Variants in SLC12A7 observed in about 807,000 individuals in gnomAD.
The protein encoded by SLC12A7 is K-Cl cotransporter 4.
In SLC12A7, 100 loss-of-function variants were observed where a neutral mutation model predicts 120.6. That is an observed-to-expected ratio of 0.83 (90% CI 0.71 to 0.98). The LOEUF is 0.98. SLC12A7 is among the 50% of genes least tolerant of loss of function. The pLI, the probability that SLC12A7 is intolerant of heterozygous loss-of-function variation, is 0.00. For synonymous variants in SLC12A7, 760 were observed against 678.0 expected (o/e 1.12, Z -1.88); for missense variants, 1,373 against 1,548.1 (o/e 0.89, Z 1.90).
upstream of SLC12A7, among the ~76,000 whole-genome samples, chr5:1,116,761 C>T (rs574815260): frequency 2.0e-5 from 3 of 152,312 alleles, no homozygotes; most frequent in African/African-American, 7.2e-5. Flanking sequence ...TTCGCATCTC[C>T]TCTGAAGTCC....
intron 17 of SLC12A7, among the ~76,000 whole-genome samples, chr5:1,066,897 G>A (rs1737113147): frequency 6.6e-6 from 1 of 152,154 alleles, no homozygotes; most frequent in Admixed American, 6.5e-5. Context: ...GCCCTTTGCT[G>A]TGAGCCGTGT....
At chr5:1,125,378 A>G in the SLC12A7 span, among the ~76,000 whole-genome samples, 2 of 151,998 alleles carry the variant, frequency 1.3e-5, no homozygotes, top group Admixed American at 1.3e-4. Context: ...ACACTTTTTA[A>G]GTTTATTTTA....
At chr5:1,120,004 C>T in the SLC12A7 span, among the ~76,000 whole-genome samples, 1 of 152,258 alleles carries the variant, frequency 6.6e-6, no homozygotes, top group African/African-American at 2.4e-5. Flanking sequence ...TCATTGGGGT[C>T]ACTCAAGGGC....
intron 22 of SLC12A7, among the ~76,000 whole-genome samples, chr5:1,055,303 G>T (rs558978417): frequency 1.3e-5 from 2 of 152,328 alleles, no homozygotes; most frequent in South Asian, 4.1e-4. Context: ...ACACAGACAT[G>T]CACACTAACG....
rs1738871550 is a variant in SLC12A7, at chr5:1,080,244, A to T, written c.1298-748T>A. 6.5e-4 allele frequency among the ~76,000 whole-genome samples: 2 copies of T among 3,076 alleles called. 1 individual carries two copies. Among genetic ancestry groups the T allele is most frequent in the South Asian group, 0.12 (2 of 16 alleles). 2.0% of individuals were successfully genotyped at this position (3,076 alleles called of 152,430 possible). On this transcript the variant is annotated intron_variant, in intron 9 of 23. Transcript: ENST00000264930. ...CCACCCGCGGCGCGGAGACACCAGG[A>T]GCCACGCAGAGGCTCTGCCCCCACG... is the stretch of plus-strand genomic sequence containing the variant.
the SLC12A7 span, among the ~76,000 whole-genome samples, chr5:1,140,008 C>T: frequency 3.3e-5 from 5 of 152,324 alleles, no homozygotes; most frequent in Admixed American, 2.0e-4. Context: ...TGTCAGGACA[C>T]GCCCGGCCTG....
At position 1,068,832 on chromosome 5, in the gene SLC12A7, C is replaced by T. The variant is rs145680808; in HGVS notation, c.2242-3354G>A. On this transcript the variant is annotated intron_variant, in intron 17 of 23. Transcript: ENST00000264930. ...TGTGGCAGAGCGTGGCAGGGGGTCC[C>T]GTCATCCCCCAGTCACTGCAATCCC... 2.2e-3 allele frequency among the ~76,000 whole-genome samples: 340 copies of T among 152,362 alleles called. 2 individuals are homozygous for T. Among genetic ancestry groups the T allele is most frequent in the African/African-American group, 7.8e-3 (325 of 41,580 alleles).
intron 9 of SLC12A7, among the ~76,000 whole-genome samples, chr5:1,081,001 GAGAGAGACAGACAGACAGAC>G (rs1460087455): frequency 4.7e-5 from 3 of 63,334 alleles, no homozygotes; most frequent in Admixed American, 1.5e-4. Context: ...GAGAGACAGA[GAGAGAGACAGACAGACAGAC>G]AGAGAGAGAG....
chr5:1,112,131 C>A, upstream of SLC12A7: 2 of 996,026 alleles, frequency 2.0e-6, no homozygotes, highest in Non-Finnish European at 2.6e-6. Context: ...CACCTGCTTG[C>A]CCCGCGGCCC....
intron 21 of SLC12A7, among the ~76,000 whole-genome samples, chr5:1,058,234 CT>C (rs1735832147): frequency 6.6e-6 from 1 of 152,254 alleles, no homozygotes; most frequent in South Asian, 2.1e-4. Context: ...GTCCACGCCC[CT>C]AGCTGTAGGC....
Position 1,093,614 on chromosome 5 carries a change from G to T in SLC12A7, c.261C>A (p.Asn87Lys), listed in dbSNP as rs771414284. 5.6e-6 allele frequency: 9 copies of T among 1,613,056 alleles called. No individual in the cohort carries two copies. In the South Asian group the frequency reaches 8.8e-5, roughly 16 times the overall value. ...TCAGGTTGGTGTAGTTGGCCAGCTT[G>T]TTGAGCAGCGAGGACACCATGGGGT... is the stretch of plus-strand genomic sequence containing the variant. ...DSNPMVSSLLNKLANYTNLSQ... is the reference protein window; with the variant it reads ...DSNPMVSSLLKKLANYTNLSQ... Residue 87 changes from asparagine to lysine, a missense_variant, in exon 3 of 24, where the codon AAC becomes AAA. Physicochemically the swap from Asn to Lys is moderately conservative, Grantham distance 94 (BLOSUM62 0). Transcript: ENST00000264930.
the SLC12A7 span, among the ~76,000 whole-genome samples, chr5:1,148,723 G>A: frequency 2.6e-5 from 4 of 152,186 alleles, no homozygotes; most frequent in Admixed American, 1.3e-4. Flanking sequence ...AAAGGCTGAC[G>A]GTTGACATCG....
intron 4 of SLC12A7, among the ~76,000 whole-genome samples, 177 bp from the exon 5 acceptor site, chr5:1,088,537 C>T (rs1017654460): frequency 2.6e-5 from 4 of 152,224 alleles, no homozygotes; most frequent in African/African-American, 9.6e-5. Context: ...GGGCACCAGG[C>T]ATGCGTGTCC....
At chr5:1,101,671 G>A (rs969265543) in intron 1 of SLC12A7, among the ~76,000 whole-genome samples, 1 of 152,142 alleles carries the variant, frequency 6.6e-6, no homozygotes, top group African/African-American at 2.4e-5. Context: ...AAGCAAGTGG[G>A]CAGACACCCT....
At chr5:1,144,948 A>C in the SLC12A7 span, among the ~76,000 whole-genome samples, 1 of 152,240 alleles carries the variant, frequency 6.6e-6, no homozygotes. Context: ...GCAAAACGTG[A>C]AGTTTACTGC....
chr5:1,086,334 G>A (rs1739855723), intron 6 of SLC12A7, among the ~76,000 whole-genome samples: 1 of 152,194 alleles, frequency 6.6e-6, no homozygotes, highest in Admixed American at 6.5e-5. Flanking sequence ...CAGAACCTCA[G>A]CAGGAAGGAC....
chr5:1,101,359 C>T (rs1489558935), intron 1 of SLC12A7, among the ~76,000 whole-genome samples: 1 of 152,234 alleles, frequency 6.6e-6, no homozygotes, highest in East Asian at 1.9e-4. Context: ...CTCAACAGAA[C>T]CTGCCCCAAG....
At chr5:1,130,049 A>G in the SLC12A7 span, among the ~76,000 whole-genome samples, 1 of 152,164 alleles carries the variant, frequency 6.6e-6, no homozygotes, top group Non-Finnish European at 1.5e-5. Context: ...AGAAGTTTTG[A>G]TATCTCCTCC....
chr5:1,077,823 C>A lies in SLC12A7; in HGVS notation c.1629+10G>T. 6.4e-7 allele frequency: 1 copy of A among 1,572,190 alleles called. No individual in the cohort carries two copies. The highest frequency in any genetic ancestry group is 8.6e-7 in the Non-Finnish European group (1 of 1,159,724). On this transcript the variant is annotated intron_variant, in intron 12 of 23. Transcript: ENST00000264930. Reference sequence around the variant, plus strand: ...TTCCAGGGTCCCCCCGACGAGGGTGCGGGACTCACCTGCAGGAAGGGGACG... The same window carrying A: ...TTCCAGGGTCCCCCCGACGAGGGTGAGGGACTCACCTGCAGGAAGGGGACG...
Sources: gnomAD v4.1 joint callset for allele counts (sites outside exome capture counted in the v4.1 genomes callset) on GRCh38, gnomAD v4.1.1 for gene constraint, MANE v1.5 for transcripts, NCBI Gene and HGNC (gene_info 2026-07-23, HGNC 2026-07-21) for gene names.